The following TFDP2 variants were observed in gnomAD, a reference collection of about 807,000 sequenced individuals.
TFDP2 encodes the protein transcription factor Dp-2 (E2F dimerization partner 2).
TFDP2 carries 17 observed loss-of-function variants against 59.3 expected under a neutral mutation model. The observed-to-expected ratio is 0.29, with a 90% CI of 0.20 to 0.43. TFDP2 has a LOEUF of 0.43. Among genes scored for constraint, TFDP2 ranks in the 20% least tolerant of loss-of-function variants. The pLI is 1.00. For synonymous variants in TFDP2, 180 were observed against 194.7 expected (o/e 0.92, Z 0.63); for missense variants, 391 against 528.8 (o/e 0.74, Z 2.56).
At chr3:142,007,400 C>T (rs1408851244) in intron 3 of TFDP2, among the ~76,000 whole-genome samples, 1 of 152,118 alleles carries the variant, frequency 6.6e-6, no homozygotes, top group African/African-American at 2.4e-5. Flanking sequence ...ATCTTCACTC[C>T]ATCTCCTCCT....
At chr3:142,039,870 T>C (rs1560074956) in intron 3 of TFDP2, among the ~76,000 whole-genome samples, 2 of 152,114 alleles carry the variant, frequency 1.3e-5, no homozygotes, top group Admixed American at 6.6e-5. Context: ...AAAAACCATC[T>C]GGTACCCCAG....
intron 3 of TFDP2, among the ~76,000 whole-genome samples, chr3:142,023,122 CAAAAAAAAAA>C (rs765096570): frequency 3.4e-5 from 2 of 59,602 alleles, no homozygotes; most frequent in African/African-American, 9.0e-5. Context: ...CCCTCCGTCT[CAAAAAAAAAA>C]AAAAAAAAAA....
chr3:142,126,345 C>T (rs1434304650), intron 1 of TFDP2: 1 of 151,864 alleles, frequency 6.6e-6, no homozygotes, highest in Non-Finnish European at 1.5e-5. Flanking sequence ...ATTACAGAAA[C>T]AACACAGTTT....
At chr3:141,955,149 T>C (rs769006171) in intron 11 of TFDP2, among the ~76,000 whole-genome samples, 1 of 152,210 alleles carries the variant, frequency 6.6e-6, no homozygotes, top group Non-Finnish European at 1.5e-5. Flanking sequence ...TTTGTGAGCA[T>C]AACACATTAC....
chr3:142,033,755 G>C (rs530964281), intron 3 of TFDP2, among the ~76,000 whole-genome samples: 30 of 152,282 alleles, frequency 2.0e-4, no homozygotes, highest in Admixed American at 3.3e-4. Flanking sequence ...TTAGTTATAA[G>C]GGACAGAAAT....
At chr3:141,980,947 G>A (rs916241317) in intron 6 of TFDP2, among the ~76,000 whole-genome samples, 2 of 151,950 alleles carry the variant, frequency 1.3e-5, no homozygotes, top group African/African-American at 4.8e-5. Flanking sequence ...ACTTATTATT[G>A]AAGAAGAAAA....
intron 3 of TFDP2, among the ~76,000 whole-genome samples, chr3:142,081,575 C>T (rs114012385): frequency 6.6e-6 from 1 of 151,946 alleles, no homozygotes; most frequent in Admixed American, 6.6e-5. Flanking sequence ...ATAATATTGA[C>T]AAACCTTTAG....
chr3:141,973,238 G>A (rs1042338363), intron 8 of TFDP2, among the ~76,000 whole-genome samples: 12 of 151,348 alleles, frequency 7.9e-5, no homozygotes, highest in African/African-American at 2.9e-4. Flanking sequence ...TCCTGCCTCA[G>A]CTTTCCAAGT....
chr3:142,101,628 C>T (rs1275170059), intron 2 of TFDP2, 107 bp downstream of exon 2: 24 of 662,452 alleles, frequency 3.6e-5, no homozygotes, highest in South Asian at 1.7e-4. Context: ...ATTATAAATC[C>T]ATGCAAGTAA....
rs1935634327 is a variant in TFDP2, at chr3:141,949,206, T to C, written c.*3307A>G. 1 of 152,176 alleles carries C rather than the reference T, an allele frequency of 6.6e-6. No homozygotes were observed. Among genetic ancestry groups the C allele is most frequent in the South Asian group, 2.1e-4 (1 of 4,836 alleles). 9.4% of individuals were successfully genotyped at this position (152,176 alleles called of 1,614,324 possible). A position where few individuals can be genotyped will look rare whatever the true frequency, so the allele number is the denominator to read the frequency against. ...TGTTAACAACTGTAAAATTTGCTAA[T>C]GGAAGGAGTTATCCTCTTTATCCTG... On this transcript the variant is annotated 3_prime_UTR_variant, in exon 13 of 13. Coordinates refer to ENST00000489671, the MANE Select transcript of TFDP2 (RefSeq NM_001178139.2).
At chr3:141,964,596 G>T (rs1235006654) in intron 9 of TFDP2, among the ~76,000 whole-genome samples, 1 of 152,172 alleles carries the variant, frequency 6.6e-6, no homozygotes, top group Non-Finnish European at 1.5e-5. Context: ...AATTTGCTGT[G>T]AGCAGAGATC....
chr3:141,959,548 A>C, intron 11 of TFDP2, 126 bp downstream of exon 11: 1 of 991,666 alleles, frequency 1.0e-6, no homozygotes, highest in South Asian at 1.6e-5. Context: ...AAAGTGTTAA[A>C]GGTTTCAGTT....
chr3:141,956,732 C>T (rs1936714218), intron 11 of TFDP2, among the ~76,000 whole-genome samples: 2 of 147,246 alleles, frequency 1.4e-5, no homozygotes, highest in African/African-American at 5.0e-5. Context: ...GACAACATGG[C>T]AAAACCCCAT....
Position 142,018,745 on chromosome 3 carries a change from G to A in TFDP2, c.83-13201C>T, listed in dbSNP as rs182065347. On this transcript the variant is annotated intron_variant, in intron 3 of 12. Coordinates refer to ENST00000489671, the MANE Select transcript of TFDP2 (RefSeq NM_001178139.2). ...GTGTGAGCCACTGCACCCAGGCAAT[G>A]TGTTTTTAAATTTTATTTTCTTTGA... is the stretch of plus-strand genomic sequence containing the variant. 1.1e-3 allele frequency among the ~76,000 whole-genome samples: 163 copies of A among 152,154 alleles called. 2 individuals are homozygous for A. The highest frequency in any genetic ancestry group is 3.7e-3 in the African/African-American group (155 of 41,516).
chr3:141,996,202 C>T, intron 4 of TFDP2, among the ~76,000 whole-genome samples: 1 of 151,750 alleles, frequency 6.6e-6, no homozygotes, highest in South Asian at 2.1e-4. Flanking sequence ...ATGTTTTTCC[C>T]AAAGACATTT....
chr3:141,959,976 C>T (rs1409981200), intron 10 of TFDP2, 136 bp from the exon 11 acceptor site: 1 of 740,268 alleles, frequency 1.4e-6, no homozygotes, highest in Admixed American at 3.0e-5. Flanking sequence ...TTTAGAGAGC[C>T]ATGAGTCATT....
chr3:141,954,633 C>CAA lies in TFDP2; in HGVS notation c.1052-1619_1052-1618dup, dbSNP rs11454904. Among the ~76,000 whole-genome samples the CAA allele has an allele frequency of 9.2e-3, 1,374 of 149,178 alleles. 16 individuals carry two copies. The highest frequency in any genetic ancestry group is 0.042 in the South Asian group (200 of 4,720). On this transcript the variant is annotated intron_variant, in intron 11 of 12. Transcript: ENST00000489671. ...GCCTGAGTGACTGTCTCAAAAAAAACAAAAAAAAACAAAAAAACAAAAAAG... is the reference window on the plus strand; with the variant it reads ...GCCTGAGTGACTGTCTCAAAAAAAACAAAAAAAAAAACAAAAAAACAAAAAAG...
rs546078133 is a variant in TFDP2 at position 142,045,294 on chromosome 3, G to C, written c.83-39750C>G. ...CCTGCCTCAGCCTCCCCAGTAGCTG[G>C]GACTACAGGTGCCCACCACAACACC... On this transcript the variant is annotated intron_variant, in intron 3 of 12. Transcript: ENST00000489671. 3.6e-3 allele frequency among the ~76,000 whole-genome samples: 548 copies of C among 151,844 alleles called. 3 individuals carry two copies. Among genetic ancestry groups the C allele is most frequent in the African/African-American group, 0.012 (504 of 41,430 alleles).
At chr3:142,036,921 T>C (rs1946717679) in intron 3 of TFDP2, among the ~76,000 whole-genome samples, 1 of 152,208 alleles carries the variant, frequency 6.6e-6, no homozygotes, top group South Asian at 2.1e-4. Context: ...CAAAATGTCT[T>C]TCCCCCTCTT....
Sources: allele counts gnomAD v4.1 joint callset (sites outside exome capture counted in the v4.1 genomes callset), GRCh38; gene constraint gnomAD v4.1.1; transcripts MANE v1.5; gene names NCBI Gene and HGNC (gene_info 2026-07-23, HGNC 2026-07-21).